NOC2L: variants seen among roughly 807,000 people sequenced by gnomAD.
NOC2L encodes NOC2 like nucleolar associated transcriptional repressor, also known as nucleolar complex protein 2 homolog.
In NOC2L, 101 loss-of-function variants were observed where a neutral mutation model predicts 94.2. That is an observed-to-expected ratio of 1.07 (90% CI 0.91 to 1.26). The LOEUF is 1.26. NOC2L is among the 50% of genes most tolerant of loss of function. The pLI, the probability that NOC2L is intolerant of heterozygous loss-of-function variation, is 0.00. For missense variants in NOC2L, 1,076 were observed against 980.1 expected (o/e 1.10, Z -1.31); for synonymous variants, 531 against 413.4 (o/e 1.28, Z -3.45).
chr1:958,421 T>C (rs1220416562), intron 2 of NOC2L: 1 of 317,148 alleles, frequency 3.2e-6, no homozygotes, highest in Non-Finnish European at 6.2e-6. Context: ...GGCTAATTTT[T>C]ATATTTTTAG....
At chr1:951,456 A>G (rs1642259143) in intron 11 of NOC2L, among the ~76,000 whole-genome samples, 1 of 152,150 alleles carries the variant, frequency 6.6e-6, no homozygotes, top group Non-Finnish European at 1.5e-5. Context: ...GGCAGGGGTC[A>G]TCTGTTCCTG....
intron 8 of NOC2L, 26 bp from the exon 9 acceptor site, chr1:953,314 G>T: frequency 7.1e-7 from 1 of 1,399,038 alleles, no homozygotes; most frequent in Non-Finnish European, 1.0e-6. Context: ...CGTCACTGGT[G>T]GCCCCCCAGC....
Position 944,700 on chromosome 1 carries a change from G to C in NOC2L, c.2244C>G (p.Asp748Glu). 1 of 1,594,354 alleles carries C rather than the reference G, an allele frequency of 6.3e-7. No individual in the cohort carries two copies. The highest frequency in any genetic ancestry group is 8.5e-7 in the Non-Finnish European group (1 of 1,175,168). The change falls in exon 19 of 19, where the codon GAC becomes GAG. Residue 748 changes from aspartate (D) to glutamate (E), a missense_variant. Asp to Glu is a conservative substitution (Grantham distance 45, BLOSUM62 2). This residue lies in a region of NOC2L where 615 missense variants were observed against 577.4 expected (regional missense o/e 1.07). Transcript: ENST00000327044. Reference protein sequence around the residue: ...DELEDLQLSEDD With the variant: ...DELEDLQLSEED ...GCCCCCCAGATGGGCTGCCTCAGTC[G>C]TCCTCTGAGAGCTGCAGATCCTCCA...
rs1642285301 is a variant in NOC2L, at chr1:952,444, G to A, written c.1159C>T (p.His387Tyr). The A allele has an allele frequency of 6.2e-7, 1 of 1,613,804 alleles. No individual in the cohort carries two copies. The highest frequency in any genetic ancestry group is 8.5e-7 in the Non-Finnish European group (1 of 1,179,998). ...AFLYIRQLAIHLRNAMTTRKK... is the reference protein window; with the variant it reads ...AFLYIRQLAIYLRNAMTTRKK... The stretch of plus-strand genomic sequence containing the variant: ...CGAGTGGTCATGGCGTTGCGCAGGT[G>A]TATGGCGAGCTGGCGGATGTAGAGG... Residue 387 changes from histidine to tyrosine, a missense_variant, in exon 10 of 19, where the codon CAC becomes TAC. His to Tyr is a moderately conservative substitution (Grantham distance 83). Around this residue, in one of 3 missense-constraint regions of NOC2L, gnomAD observed 615 missense variants for 577.4 expected, o/e 1.07. Coordinates refer to ENST00000327044, the MANE Select transcript of NOC2L (RefSeq NM_015658.4).
rs1028130679 is a variant in NOC2L, at chr1:944,527, T to C, written c.*167A>G. 52 of 623,594 alleles carry C rather than the reference T, an allele frequency of 8.3e-5. No individual in the cohort carries two copies. Among genetic ancestry groups the C allele is most frequent in the African/African-American group, 5.8e-4 (31 of 53,288 alleles). The allele number at this position is 623,594 out of a possible 1,614,324, so 38.6% of individuals were successfully genotyped here. On this transcript the variant is annotated 3_prime_UTR_variant, in exon 19 of 19. Transcript: ENST00000327044. ...CCACACCAGCCCAGCCCAGCCCAGC[T>C]CTCGATACGTTTGGTCTTTCATGCT...
At chr1:958,281 C>G (rs1214157769) in intron 2 of NOC2L, 1 of 171,016 alleles carries the variant, frequency 5.8e-6, no homozygotes, top group Non-Finnish European at 1.3e-5. Context: ...GAGATGGAGT[C>G]TCACTCTCTC....
intron 6 of NOC2L, among the ~76,000 whole-genome samples, chr1:955,547 C>T (rs1345827581): frequency 6.6e-6 from 1 of 152,190 alleles, no homozygotes; most frequent in African/African-American, 2.4e-5. Flanking sequence ...ACACACAGCT[C>T]CAGGAAACAG....
At chr1:950,405 GCA>G (rs769783303) in intron 12 of NOC2L, among the ~76,000 whole-genome samples, 20 of 151,966 alleles carry the variant, frequency 1.3e-4, no homozygotes, top group Middle Eastern at 3.4e-3. Context: ...GCACACAGGT[GCA>G]CACACGCACA....
chr1:953,990 C>G lies in NOC2L; in HGVS notation c.777+14G>C, dbSNP rs760012484. ...TACAGCCAGGCCCCCGTGCCCTCCC[C>G]ACCAGAATAGCACCTGTATGGCCGA... On this transcript the variant is annotated intron_variant, in intron 7 of 18. Transcript: ENST00000327044. 1 of 1,605,058 alleles carries G rather than the reference C, an allele frequency of 6.2e-7. No homozygotes were observed. Among genetic ancestry groups the G allele is most frequent in the Non-Finnish European group, 8.5e-7 (1 of 1,174,330 alleles).
chr1:945,716 G>A, intron 16 of NOC2L, 63 bp from the exon 17 acceptor site: 1 of 1,605,690 alleles, frequency 6.2e-7, no homozygotes, highest in Non-Finnish European at 8.5e-7. Flanking sequence ...CCACAGCAGG[G>A]CCAGGCATCG....
At chr1:956,710 C>T (rs1173577567) in intron 4 of NOC2L, among the ~76,000 whole-genome samples, 184 bp downstream of exon 4, 1 of 152,224 alleles carries the variant, frequency 6.6e-6, no homozygotes, top group African/African-American at 2.4e-5. Flanking sequence ...GAAGAAGGCT[C>T]CAAGCGTCCC....
At chr1:955,688 C>T (rs1197582923) in intron 6 of NOC2L, among the ~76,000 whole-genome samples, 1 of 152,250 alleles carries the variant, frequency 6.6e-6, no homozygotes, top group African/African-American at 2.4e-5. Context: ...CCTTCTGAGA[C>T]TCTGAGCAGA....
chr1:947,779 C>T (rs991186901), intron 14 of NOC2L, among the ~76,000 whole-genome samples: 3 of 152,238 alleles, frequency 2.0e-5, no homozygotes, highest in African/African-American at 7.2e-5. Flanking sequence ...ACTCCCCACA[C>T]CCGGGATGGC....
chr1:957,741 G>A (rs1557623799), intron 2 of NOC2L: 2 of 164,864 alleles, frequency 1.2e-5, no homozygotes, highest in East Asian at 1.7e-4. Flanking sequence ...TAACCTAAAG[G>A]TCTCTCTGTT....
rs747668797 is a variant in NOC2L, at chr1:956,190, T to C, written c.512A>G (p.His171Arg). The C allele has an allele frequency of 9.3e-6, 15 of 1,613,790 alleles. No homozygotes were observed. The East Asian group carries it at 1.3e-4, about 14-fold the overall frequency. The change falls in exon 5 of 19, where the codon CAT becomes CGT. Residue 171 changes from histidine to arginine, a missense_variant. Transcript: ENST00000327044. ...TGCTCGGAACGCCTGTACCACTTCA[T>C]GGAACAGCTTTGGAGTGAGGCGTTG... ...AKQRLTPKLF[H>R]EVVQAFRAAV...
In NOC2L at chr1:956,602, T is replaced by C. The variant is rs1356609518; in HGVS notation, c.486+292A>G. ...CCACAGCGGGACTGACTTTGGGGAG[T>C]GGGGCGCCAACAGAGCCCCTGGAAT... On this transcript the variant is annotated intron_variant, in intron 4 of 18. Coordinates refer to ENST00000327044, the MANE Select transcript of NOC2L (RefSeq NM_015658.4). 2.6e-5 allele frequency among the ~76,000 whole-genome samples: 4 copies of C among 152,046 alleles called. No homozygotes were observed. The East Asian group carries it at 7.8e-4, about 30-fold the overall frequency.
intron 16 of NOC2L, 77 bp downstream of exon 16, chr1:946,096 G>A (rs1356548385): frequency 6.3e-6 from 7 of 1,104,496 alleles, no homozygotes; most frequent in Admixed American, 2.0e-5. Context: ...CCCTCGCCCT[G>A]GTCTCAAGTC....
chr1:947,782 G>A (rs898209213), intron 14 of NOC2L, among the ~76,000 whole-genome samples: 2 of 152,332 alleles, frequency 1.3e-5, no homozygotes, highest in South Asian at 4.1e-4. Flanking sequence ...CCCCACACCC[G>A]GGATGGCCTG....
At position 954,057 on chromosome 1, in the gene NOC2L, G is replaced by T. The variant is rs1214234134; in HGVS notation, c.724C>A (p.Leu242Ile). ...SRMLQPSSSP[L>I]WGKLRVDIKA... ...ATGTCCACACGAAGCTTCCCCCAGA[G>T]CGGGCTGCTGGACGGCTGCAGCATC... Residue 242 changes from leucine to isoleucine, a missense_variant, in exon 7 of 19, where the codon CTC (leucine) becomes ATC (isoleucine). By Grantham distance (5) the Leu-to-Ile change is conservative. Coordinates refer to ENST00000327044, the MANE Select transcript of NOC2L (RefSeq NM_015658.4). The T allele has an allele frequency of 6.2e-7, 1 of 1,610,584 alleles. No homozygotes were observed. Among genetic ancestry groups the T allele is most frequent in the Non-Finnish European group, 8.5e-7 (1 of 1,177,880 alleles).
Sources: allele counts gnomAD v4.1 joint callset (sites outside exome capture counted in the v4.1 genomes callset), GRCh38; gene constraint gnomAD v4.1.1; regional missense constraint gnomAD v4.1.1; transcripts MANE v1.5; gene names NCBI Gene and HGNC (gene_info 2026-07-23, HGNC 2026-07-21).